The following ENPP3 variants were observed in gnomAD, a reference collection of about 807,000 sequenced individuals.
ENPP3 encodes the protein ectonucleotide pyrophosphatase/phosphodiesterase 3.
A neutral mutation model predicts 117.8 loss-of-function variants in ENPP3; 104 were observed. The ratio of observed to expected loss-of-function variants is 0.88; its 90% confidence interval spans 0.75 to 1.04. The LOEUF (loss-of-function observed/expected upper bound fraction) is 1.04, where lower values mean the gene tolerates loss of function less well. Among genes scored for constraint, ENPP3 ranks in the 50% least tolerant of loss-of-function variants. ENPP3 has a pLI of 0.00. For synonymous variants in ENPP3, 380 were observed against 349.9 expected (o/e 1.09, Z -0.96); for missense variants, 1,026 against 1,051.9 (o/e 0.98, Z 0.34).
At chr6:131,672,813 C>G (rs763318248) in intron 7 of ENPP3, among the ~76,000 whole-genome samples, 10 of 151,462 alleles carry the variant, frequency 6.6e-5, no homozygotes, top group Non-Finnish European at 1.2e-4. Context: ...AATAATGACC[C>G]TAAAATCTAT....
intron 14 of ENPP3, among the ~76,000 whole-genome samples, chr6:131,686,885 G>A (rs1040211532): frequency 6.6e-5 from 10 of 152,172 alleles, no homozygotes; most frequent in Admixed American, 6.5e-5. Flanking sequence ...TGATGTATAT[G>A]TACCACATTT....
At chr6:131,673,532 T>TG (rs1778795659) in intron 7 of ENPP3, among the ~76,000 whole-genome samples, 1 of 151,636 alleles carries the variant, frequency 6.6e-6, no homozygotes, top group African/African-American at 2.4e-5. Flanking sequence ...GGCAGGAGGG[T>TG]GGGAGGAGGG....
intron 6 of ENPP3, among the ~76,000 whole-genome samples, chr6:131,665,977 G>A (rs1047657640): frequency 1.3e-5 from 2 of 152,032 alleles, no homozygotes; most frequent in African/African-American, 2.4e-5. Context: ...TTGTTCAAAA[G>A]TGTGTTACAT....
intron 14 of ENPP3, among the ~76,000 whole-genome samples, chr6:131,687,148 TC>T (rs1420414574): frequency 6.6e-6 from 1 of 152,192 alleles, no homozygotes; most frequent in East Asian, 1.9e-4. Context: ...ATATAAGTGT[TC>T]CTTTCTCTGC....
At chr6:131,721,642 AG>A (rs746471152) in intron 17 of ENPP3, among the ~76,000 whole-genome samples, 18 of 150,300 alleles carry the variant, frequency 1.2e-4, no homozygotes, top group Non-Finnish European at 2.5e-4. Context: ...AATGAAGAAA[AG>A]CTCTCCTAAT....
At position 131,693,643 on chromosome 6, in the gene ENPP3, T is replaced by C; in HGVS notation, c.1412+19T>C. On this transcript the variant is annotated intron_variant, in intron 15 of 24. Transcript: ENST00000357639. ...CTGTTAGGTTCGTGTATCTGTTTAC[T>C]TATCTCATAATGCCTTTAATAACCA... 1.9e-6 allele frequency: 3 copies of C among 1,610,374 alleles called. No homozygotes were observed. Among genetic ancestry groups the C allele is most frequent in the Non-Finnish European group, 2.5e-6 (3 of 1,177,856 alleles).
At chr6:131,685,275 C>T in intron 12 of ENPP3, 89 bp from the exon 13 acceptor site, 1 of 1,138,498 alleles carries the variant, frequency 8.8e-7, no homozygotes. Context: ...AGATCTGTAA[C>T]ATAAAATGTC....
intron 14 of ENPP3, among the ~76,000 whole-genome samples, chr6:131,690,684 A>G (rs1057286572): frequency 3.3e-5 from 5 of 152,048 alleles, no homozygotes; most frequent in Non-Finnish European, 7.4e-5. Context: ...CTGAGCAAAG[A>G]GTGGTTAATA....
At chr6:131,730,880 A>ACTCC (rs1338157619) in intron 20 of ENPP3, among the ~76,000 whole-genome samples, 3 of 147,972 alleles carry the variant, frequency 2.0e-5, no homozygotes, top group African/African-American at 7.6e-5. Flanking sequence ...GTGCCATTGC[A>ACTCC]CTCCAGCCTG....
rs140801096 is a variant in ENPP3 at position 131,717,159 on chromosome 6, G to A, written c.1413-1513G>A. On this transcript the variant is annotated intron_variant, in intron 15 of 24. Coordinates refer to ENST00000357639, the MANE Select transcript of ENPP3 (RefSeq NM_005021.5). ...GCCTCTCTTTTCTTCCCTCTACTGG[G>A]TAGAGTTGAGTGAGTGTGGCCTGGT... Among the ~76,000 whole-genome samples the A allele has an allele frequency of 8.0e-3, 1,221 of 151,960 alleles. 11 individuals carry two copies. Among genetic ancestry groups the A allele is most frequent in the African/African-American group, 0.026 (1,067 of 41,440 alleles).
At chr6:131,738,236 A>C in intron 23 of ENPP3, 73 bp downstream of exon 23, 1 of 1,214,944 alleles carries the variant, frequency 8.2e-7, no homozygotes, top group Non-Finnish European at 1.2e-6. Flanking sequence ...AGTAAAGCTC[A>C]GTATTTTAAA....
intron 24 of ENPP3, among the ~76,000 whole-genome samples, chr6:131,741,621 G>A (rs191648882): frequency 5.2e-4 from 79 of 152,236 alleles, no homozygotes; most frequent in Non-Finnish European, 8.7e-4. Flanking sequence ...AGAGGATTTA[G>A]TAACTGATTG....
chr6:131,658,422 T>A lies in ENPP3; in HGVS notation c.562+2T>A. On this transcript the variant is annotated splice_donor_variant, in intron 6 of 24. Coordinates refer to ENST00000357639, the MANE Select transcript of ENPP3 (RefSeq NM_005021.5). LOFTEE classifies it high-confidence loss of function. The stretch of plus-strand genomic sequence containing the variant: ...TAATGCCAAATATCAATAAACTGAG[T>A]AAGTCTTCTGTAACTAGTGGCATGC... The A allele has an allele frequency of 6.9e-7, 1 of 1,458,298 alleles. No homozygotes were observed. The highest frequency in any genetic ancestry group is 2.3e-5 in the East Asian group (1 of 44,086). The allele number at this position is 1,458,298 out of a possible 1,614,324, so 90.3% of individuals were successfully genotyped here. A position where few individuals can be genotyped will look rare whatever the true frequency, so the allele number is the denominator to read the frequency against.
At chr6:131,643,991 A>C (rs1464578133) in intron 2 of ENPP3, among the ~76,000 whole-genome samples, 1 of 151,458 alleles carries the variant, frequency 6.6e-6, no homozygotes, top group African/African-American at 2.4e-5. Context: ...TTGAGTAATG[A>C]CTGAAGGAAG....
At position 131,650,968 on chromosome 6, in the gene ENPP3, G is replaced by T. The variant is rs372443012; in HGVS notation, c.277+819G>T. 4.6e-5 allele frequency among the ~76,000 whole-genome samples: 7 copies of T among 151,746 alleles called. No individual in the cohort carries two copies. The South Asian group carries it at 1.5e-3, about 32-fold the overall frequency. ...AAAGTCTCACTTTGTTGCCCAGGCC[G>T]GATTGCAGTGGCACAATCTTGGCTC... is the stretch of plus-strand genomic sequence containing the variant. On this transcript the variant is annotated intron_variant, in intron 3 of 24. Transcript: ENST00000357639.
At chr6:131,743,004 C>T (rs752947005) in intron 24 of ENPP3, among the ~76,000 whole-genome samples, 7 of 152,092 alleles carry the variant, frequency 4.6e-5, no homozygotes, top group Non-Finnish European at 1.0e-4. Context: ...AAGAATGTGA[C>T]ATCTGTATAG....
intron 12 of ENPP3, among the ~76,000 whole-genome samples, chr6:131,683,709 A>T (rs1377924314): frequency 6.6e-6 from 1 of 150,850 alleles, no homozygotes; most frequent in Admixed American, 6.6e-5. Flanking sequence ...CGCAAAATGC[A>T]TTCAAACAGT....
intron 1 of ENPP3, among the ~76,000 whole-genome samples, chr6:131,637,708 G>A (rs1425223865): frequency 5.3e-5 from 8 of 152,112 alleles, no homozygotes; most frequent in Non-Finnish European, 1.0e-4. Context: ...ATGACAGAAC[G>A]CTTTGTGGCG....
At chr6:131,638,903 C>A (rs939901228) in intron 1 of ENPP3, among the ~76,000 whole-genome samples, 1 of 151,082 alleles carries the variant, frequency 6.6e-6, no homozygotes, top group African/African-American at 2.4e-5. Context: ...CTCAAGTGAT[C>A]CTCTCATTCA....
Sources: allele counts gnomAD v4.1 joint callset (sites outside exome capture counted in the v4.1 genomes callset), GRCh38; gene constraint gnomAD v4.1.1; transcripts MANE v1.5; gene names NCBI Gene and HGNC (gene_info 2026-07-23, HGNC 2026-07-21).